The following TALDO1 variants were observed in gnomAD, a reference collection of about 807,000 sequenced individuals.
TALDO1 encodes the protein transaldolase 1.
A neutral mutation model predicts 38.1 loss-of-function variants in TALDO1; 29 were observed. That is an observed-to-expected ratio of 0.76 (90% CI 0.57 to 1.04). The LOEUF is 1.04. TALDO1 is among the 50% of genes least tolerant of loss of function. TALDO1 has a pLI of 0.00. For synonymous variants in TALDO1, 207 were observed against 176.8 expected (o/e 1.17, Z -1.36); for missense variants, 499 against 438.1 (o/e 1.14, Z -1.24).
chr11:755,334 C>T (rs935735526), intron 1 of TALDO1, among the ~76,000 whole-genome samples: 19 of 152,010 alleles, frequency 1.2e-4, no homozygotes, highest in South Asian at 1.0e-3. Flanking sequence ...TTAGTAGAGA[C>T]GGGGTTTCAC....
intron 4 of TALDO1, among the ~76,000 whole-genome samples, chr11:761,421 A>G (rs893265686): frequency 2.0e-5 from 3 of 151,680 alleles, no homozygotes; most frequent in African/African-American, 4.8e-5. Context: ...GGATCGCTTG[A>G]GCCTGGGAAG....
At chr11:764,564 GT>G (rs1340850135) in intron 7 of TALDO1, 131 bp downstream of exon 7, 1 of 1,477,388 alleles carries the variant, frequency 6.8e-7, no homozygotes, top group Admixed American at 2.0e-5. Flanking sequence ...TGTCCAGCAA[GT>G]GGGGCCTGTT....
At chr11:757,874 C>T (rs1486411786) in intron 2 of TALDO1, among the ~76,000 whole-genome samples, 5 of 152,166 alleles carry the variant, frequency 3.3e-5, no homozygotes. Flanking sequence ...CAGTGGTGCA[C>T]GCCTGTAACC....
intron 4 of TALDO1, among the ~76,000 whole-genome samples, chr11:763,105 C>T (rs1362397690): frequency 6.7e-6 from 1 of 150,130 alleles, no homozygotes; most frequent in Non-Finnish European, 1.5e-5. Flanking sequence ...ATGGCATGAG[C>T]CTGTTCCTGC....
chr11:750,632 G>A (rs1049063977), intron 1 of TALDO1, among the ~76,000 whole-genome samples: 1 of 152,118 alleles, frequency 6.6e-6, no homozygotes, highest in African/African-American at 2.4e-5. Context: ...AGACCATCCT[G>A]GCTAACACGG....
intron 4 of TALDO1, among the ~76,000 whole-genome samples, chr11:762,907 T>TGGTTCTA (rs1311722738): frequency 1.3e-5 from 2 of 152,192 alleles, no homozygotes; most frequent in Admixed American, 1.3e-4. Flanking sequence ...GATGACTCAG[T>TGGTTCTA]GGTTCTAGCC....
At chr11:755,599 C>T (rs1439430797) in intron 1 of TALDO1, 1 of 463,748 alleles carries the variant, frequency 2.2e-6, no homozygotes, top group African/African-American at 2.0e-5. Context: ...GTTCTCCCAG[C>T]TGTCGCACCG....
chr11:755,325 T>C (rs925715340), intron 1 of TALDO1, among the ~76,000 whole-genome samples: 1 of 152,052 alleles, frequency 6.6e-6, no homozygotes, highest in Non-Finnish European at 1.5e-5. Context: ...TTTGTATTTT[T>C]AGTAGAGACG....
chr11:747,980 G>C (rs1410404525), intron 1 of TALDO1, among the ~76,000 whole-genome samples: 1 of 152,248 alleles, frequency 6.6e-6, no homozygotes, highest in Non-Finnish European at 1.5e-5. Context: ...CCCAGGGTGG[G>C]GTCGGCTGCG....
chr11:760,327 G>GC, intron 4 of TALDO1, 74 bp downstream of exon 4: 1 of 1,597,674 alleles, frequency 6.3e-7, no homozygotes, highest in Non-Finnish European at 8.5e-7. Flanking sequence ...ATGGCATCAG[G>GC]CAAGTTTGAC....
At chr11:747,710 T>A in intron 1 of TALDO1, 132 bp downstream of exon 1, 1 of 750,652 alleles carries the variant, frequency 1.3e-6, no homozygotes, top group East Asian at 3.1e-5. Context: ...CCGGGAGGAA[T>A]GAGCGCAGGT....
chr11:749,852 G>A (rs1272002951), intron 1 of TALDO1, among the ~76,000 whole-genome samples: 1 of 152,214 alleles, frequency 6.6e-6, no homozygotes, highest in Non-Finnish European at 1.5e-5. Flanking sequence ...ATGTCATGTT[G>A]AAATGAGTAT....
intron 1 of TALDO1, among the ~76,000 whole-genome samples, chr11:753,743 A>G (rs1862788551): frequency 6.6e-6 from 1 of 151,426 alleles, no homozygotes; most frequent in Non-Finnish European, 1.5e-5. Flanking sequence ...TAAAAAATAA[A>G]TACAAGTACA....
rs1371172676 is a variant in TALDO1 at position 764,767 on chromosome 11, A to G, written c.982-46A>G. On this transcript the variant is annotated intron_variant, in intron 7 of 7. Transcript: ENST00000319006. The stretch of plus-strand genomic sequence containing the variant: ...GGTGCCTTGTGAGGCTTCAAGGTGC[A>G]GAAGGTAGGGTGGGGAGACACAGCT... The G allele has an allele frequency of 1.9e-6, 3 of 1,614,018 alleles. No homozygotes were observed. The South Asian group carries it at 3.3e-5, about 18-fold the overall frequency.
Position 755,965 on chromosome 11 carries a change from G to C in TALDO1, c.184G>C (p.Val62Leu). The C allele has an allele frequency of 6.2e-7, 1 of 1,613,994 alleles. No homozygotes were observed. Among genetic ancestry groups the C allele is most frequent in the Non-Finnish European group, 8.5e-7 (1 of 1,179,972 alleles). ...ACAGATGCCCGCTTACCAGGAGCTG[G>C]TGGAGGAGGCGATTGCCTATGGCCG... ...AAQMPAYQEL[V>L]EEAIAYGRKL... Residue 62 changes from valine to leucine, a missense_variant, in exon 2 of 8, where the codon GTG (valine) becomes CTG (leucine). Coordinates refer to ENST00000319006, the MANE Select transcript of TALDO1 (RefSeq NM_006755.2).
chr11:760,056 C>G (rs759379144), intron 3 of TALDO1, 66 bp from the exon 4 acceptor site: 23 of 1,608,724 alleles, frequency 1.4e-5, no homozygotes, highest in Non-Finnish European at 1.9e-5. Context: ...CACCCGGCCT[C>G]CAGCTTGCTC....
chr11:763,117 TTTTTAG>T (rs1204708012), intron 4 of TALDO1, among the ~76,000 whole-genome samples: 3 of 149,378 alleles, frequency 2.0e-5, no homozygotes, highest in Non-Finnish European at 4.5e-5. Context: ...TGTTCCTGCC[TTTTTAG>T]TTTAAGGCCC....
chr11:749,622 C>T (rs1354730143), intron 1 of TALDO1, among the ~76,000 whole-genome samples: 1 of 152,186 alleles, frequency 6.6e-6, no homozygotes, highest in Admixed American at 6.5e-5. Flanking sequence ...GCTGTGAATG[C>T]TCTTCCCACA....
intron 4 of TALDO1, among the ~76,000 whole-genome samples, chr11:761,512 C>T (rs1358074102): frequency 6.6e-6 from 1 of 152,034 alleles, no homozygotes; most frequent in Non-Finnish European, 1.5e-5. Flanking sequence ...AAAAACCAAA[C>T]CAAACATATG....
Sources: gnomAD v4.1 joint callset for allele counts (sites outside exome capture counted in the v4.1 genomes callset) on GRCh38, gnomAD v4.1.1 for gene constraint, MANE v1.5 for transcripts, NCBI Gene and HGNC (gene_info 2026-07-23, HGNC 2026-07-21) for gene names.